The following STARD3NL variants were observed in gnomAD, a reference collection of about 807,000 sequenced individuals.
STARD3NL encodes STARD3 N-terminal-like protein.
Under a neutral mutation model 30.9 loss-of-function variants are expected in STARD3NL, and 17 were observed. The ratio of observed to expected loss-of-function variants is 0.55; its 90% CI spans 0.38 to 0.82. The LOEUF is 0.82. Ranked by LOEUF, STARD3NL falls within the 40% of genes least tolerant of loss-of-function variation. STARD3NL has a pLI of 0.00. For synonymous variants in STARD3NL, 112 were observed against 100.5 expected (o/e 1.11, Z -0.69); for missense variants, 234 against 277.6 (o/e 0.84, Z 1.12).
chr7:38,190,830 A>G (rs1257865776), intron 1 of STARD3NL, among the ~76,000 whole-genome samples: 1 of 152,186 alleles, frequency 6.6e-6, no homozygotes, highest in Non-Finnish European at 1.5e-5. Flanking sequence ...AGTCCAGGAT[A>G]GTCGCCTTTA....
intron 6 of STARD3NL, among the ~76,000 whole-genome samples, chr7:38,217,734 T>C (rs1364759594): frequency 2.6e-5 from 4 of 152,230 alleles, no homozygotes; most frequent in Non-Finnish European, 1.5e-5. Context: ...GCAACTATTC[T>C]AAATACAAGC....
At chr7:38,208,195 T>C (rs1334467517) in intron 2 of STARD3NL, among the ~76,000 whole-genome samples, 1 of 152,240 alleles carries the variant, frequency 6.6e-6, no homozygotes, top group African/African-American at 2.4e-5. Flanking sequence ...TTACCCATCC[T>C]TCCTCCAGAA....
At chr7:38,186,589 T>C (rs182410676) in intron 1 of STARD3NL, among the ~76,000 whole-genome samples, 1 of 152,338 alleles carries the variant, frequency 6.6e-6, no homozygotes, top group African/African-American at 2.4e-5. Flanking sequence ...CCCATAAAAT[T>C]ATAATACCAT....
At chr7:38,189,385 A>C (rs1784592088) in intron 1 of STARD3NL, among the ~76,000 whole-genome samples, 1 of 152,178 alleles carries the variant, frequency 6.6e-6, no homozygotes, top group Non-Finnish European at 1.5e-5. Flanking sequence ...TGTGCATCCA[A>C]GTGTAATAAG....
chr7:38,191,727 A>G (rs925723116), intron 1 of STARD3NL, among the ~76,000 whole-genome samples: 2 of 152,084 alleles, frequency 1.3e-5, no homozygotes, highest in African/African-American at 2.4e-5. Context: ...ACTCTCTATT[A>G]TGTTCTATTG....
At chr7:38,187,462 C>CTGAGAGCA (rs1784509375) in intron 1 of STARD3NL, among the ~76,000 whole-genome samples, 1 of 152,038 alleles carries the variant, frequency 6.6e-6, no homozygotes, top group Non-Finnish European at 1.5e-5. Context: ...GTAGGTTCTG[C>CTGAGAGCA]TGAGAGCATG....
chr7:38,222,898 A>C (rs1390781573), intron 7 of STARD3NL, among the ~76,000 whole-genome samples: 1 of 152,158 alleles, frequency 6.6e-6, no homozygotes, highest in Non-Finnish European at 1.5e-5. Context: ...TACTGGAATT[A>C]ATATGCCTAG....
chr7:38,205,123 C>T (rs1240818061), intron 1 of STARD3NL, among the ~76,000 whole-genome samples: 2 of 152,176 alleles, frequency 1.3e-5, no homozygotes, highest in African/African-American at 4.8e-5. Context: ...GGAATCCTCC[C>T]TAACTAATTT....
At chr7:38,197,765 C>G (rs546581945) in intron 1 of STARD3NL, among the ~76,000 whole-genome samples, 1 of 152,270 alleles carries the variant, frequency 6.6e-6, no homozygotes, top group African/African-American at 2.4e-5. Context: ...CTTCCCACAT[C>G]TCTCTTCTCT....
intron 1 of STARD3NL, among the ~76,000 whole-genome samples, chr7:38,198,726 A>G (rs1015985628): frequency 1.3e-5 from 2 of 152,118 alleles, no homozygotes; most frequent in East Asian, 3.9e-4. Context: ...TTCTCCTCCT[A>G]GGAAGGCTGA....
chr7:38,216,062 A>G (rs1297743030), intron 4 of STARD3NL: 1 of 152,240 alleles, frequency 6.6e-6, no homozygotes, highest in Non-Finnish European at 1.5e-5. Context: ...TGATATCATC[A>G]TAGCTTTTGA....
chr7:38,185,240 T>C (rs914021459), intron 1 of STARD3NL, among the ~76,000 whole-genome samples: 1 of 152,194 alleles, frequency 6.6e-6, no homozygotes, highest in African/African-American at 2.4e-5. Flanking sequence ...AAAAGGATAC[T>C]GGTGATTTTT....
At chr7:38,196,860 C>T (rs1407703036) in intron 1 of STARD3NL, among the ~76,000 whole-genome samples, 6 of 152,050 alleles carry the variant, frequency 3.9e-5, no homozygotes, top group East Asian at 1.9e-4. Context: ...AAATTTTAAA[C>T]CCCTGTTTTT....
At chr7:38,197,837 A>C (rs575087723) in intron 1 of STARD3NL, among the ~76,000 whole-genome samples, 14 of 152,280 alleles carry the variant, frequency 9.2e-5, no homozygotes, top group African/African-American at 3.4e-4. Flanking sequence ...CTAGCAAGGT[A>C]AGTTTATAAA....
At chr7:38,216,936 C>T in intron 4 of STARD3NL, 89 bp from the exon 5 acceptor site, 1 of 1,512,680 alleles carries the variant, frequency 6.6e-7, no homozygotes, top group Non-Finnish European at 9.1e-7. Context: ...TTGCCTGCTC[C>T]TGGCTCAGAC....
intron 2 of STARD3NL, among the ~76,000 whole-genome samples, chr7:38,214,149 A>G (rs1000821146): frequency 3.9e-5 from 6 of 152,238 alleles, no homozygotes; most frequent in African/African-American, 9.6e-5. Context: ...CTATACATTT[A>G]TATCTGTTGA....
chr7:38,217,960 C>T (rs907202809), intron 6 of STARD3NL, among the ~76,000 whole-genome samples: 1 of 152,196 alleles, frequency 6.6e-6, no homozygotes, highest in African/African-American at 2.4e-5. Context: ...ACTCATGAAT[C>T]CTGCCAAAGC....
chr7:38,205,079 C>G lies in STARD3NL; in HGVS notation c.-58-2368C>G, dbSNP rs557214889. On this transcript the variant is annotated intron_variant, in intron 1 of 8. Transcript: ENST00000009041. ...GGTACAAGGAGGAGCTGGTACCATT[C>G]CTTCTGAAACTATTCCAATCAATAG... is the stretch of plus-strand genomic sequence containing the variant. Among the ~76,000 whole-genome samples the G allele has an allele frequency of 3.5e-3, 536 of 152,278 alleles. 2 individuals carry two copies. Among genetic ancestry groups the G allele is most frequent in the African/African-American group, 0.012 (508 of 41,566 alleles).
At chr7:38,214,485 G>T (rs781609972) in intron 3 of STARD3NL, 51 bp downstream of exon 3, 2 of 1,191,752 alleles carry the variant, frequency 1.7e-6, no homozygotes, top group East Asian at 2.5e-5. Context: ...GACCCAAAAG[G>T]CAGATTTCCT....
Sources: allele counts gnomAD v4.1 joint callset (sites outside exome capture counted in the v4.1 genomes callset), GRCh38; gene constraint gnomAD v4.1.1; transcripts MANE v1.5; gene names NCBI Gene and HGNC (gene_info 2026-07-23, HGNC 2026-07-21).